The following DSCAM variants were observed in gnomAD, a reference collection of about 807,000 sequenced individuals.
The protein encoded by DSCAM is DS cell adhesion molecule.
DSCAM carries 47 observed loss-of-function variants against 217.7 expected under a neutral mutation model. That is an observed-to-expected ratio of 0.22 (90% CI 0.17 to 0.28). The LOEUF is 0.28. Ranked by LOEUF, DSCAM falls within the 10% of genes least tolerant of loss-of-function variation. DSCAM has a pLI of 1.00. For missense variants in DSCAM, 2,080 were observed against 2,618.3 expected (o/e 0.79, Z 4.49); for synonymous variants, 1,056 against 1,015.3 (o/e 1.04, Z -0.76).
At chr21:40,506,547 C>T (rs759299969) in intron 3 of DSCAM, among the ~76,000 whole-genome samples, 1 of 152,174 alleles carries the variant, frequency 6.6e-6, no homozygotes, top group Non-Finnish European at 1.5e-5. Flanking sequence ...TAACCAGTGA[C>T]CCCAGATTCA....
At chr21:40,538,000 G>A (rs924782391) in intron 3 of DSCAM, among the ~76,000 whole-genome samples, 3 of 152,126 alleles carry the variant, frequency 2.0e-5, no homozygotes, top group Admixed American at 6.5e-5. Flanking sequence ...CAGAGAGAGC[G>A]CTCAATAAAT....
chr21:40,617,748 T>A (rs2089423424), intron 3 of DSCAM, among the ~76,000 whole-genome samples: 1 of 152,212 alleles, frequency 6.6e-6, no homozygotes, highest in Admixed American at 6.5e-5. Context: ...GGGGTCAAAC[T>A]TGTGCTCAGT....
chr21:40,471,217 A>T (rs1028170404), intron 3 of DSCAM, among the ~76,000 whole-genome samples: 12 of 152,210 alleles, frequency 7.9e-5, no homozygotes, highest in African/African-American at 2.9e-4. Flanking sequence ...AGTTCTGACC[A>T]ATCCTGCAGA....
intron 3 of DSCAM, among the ~76,000 whole-genome samples, chr21:40,387,814 AT>A (rs1255547981): frequency 6.6e-6 from 1 of 152,256 alleles, no homozygotes; most frequent in Non-Finnish European, 1.5e-5. Flanking sequence ...GAATAAGAGT[AT>A]ATCATAAAAG....
At chr21:40,134,484 C>A (rs2090187060) in intron 18 of DSCAM, among the ~76,000 whole-genome samples, 2 of 152,208 alleles carry the variant, frequency 1.3e-5, no homozygotes, top group Non-Finnish European at 2.9e-5. Context: ...CTTTAACATA[C>A]ATGTATTTTT....
At chr21:40,666,322 C>G (rs1452890713) in intron 3 of DSCAM, among the ~76,000 whole-genome samples, 1 of 152,140 alleles carries the variant, frequency 6.6e-6, no homozygotes, top group Non-Finnish European at 1.5e-5. Flanking sequence ...CTTAAAACAA[C>G]CCTATGAGCA....
chr21:40,479,100 G>A (rs1442790120), intron 3 of DSCAM, among the ~76,000 whole-genome samples: 1 of 152,196 alleles, frequency 6.6e-6, no homozygotes, highest in Non-Finnish European at 1.5e-5. Flanking sequence ...GCCAGGTGCT[G>A]TGCTAAGTGC....
intron 3 of DSCAM, among the ~76,000 whole-genome samples, chr21:40,652,120 A>G (rs549012592): frequency 8.2e-5 from 12 of 147,030 alleles, no homozygotes; most frequent in African/African-American, 3.0e-4. Flanking sequence ...ACATGGACAC[A>G]TGGAGGGGAA....
intron 3 of DSCAM, among the ~76,000 whole-genome samples, chr21:40,492,934 A>C (rs1260972213): frequency 3.3e-5 from 5 of 152,154 alleles, no homozygotes; most frequent in Non-Finnish European, 7.3e-5. Context: ...GACATGCTAT[A>C]ATCAAACTAT....
At chr21:40,493,641 C>A (rs1053084014) in intron 3 of DSCAM, among the ~76,000 whole-genome samples, 1 of 151,840 alleles carries the variant, frequency 6.6e-6, no homozygotes, top group African/African-American at 2.4e-5. Context: ...GCAGGTGGAT[C>A]CCCTGAGGTC....
At chr21:40,271,874 C>T (rs928209575) in intron 11 of DSCAM, among the ~76,000 whole-genome samples, 1 of 152,182 alleles carries the variant, frequency 6.6e-6, no homozygotes, top group African/African-American at 2.4e-5. Flanking sequence ...ACATTCCCCA[C>T]AGTTTTCCTC....
At chr21:40,632,835 C>T (rs1359598941) in intron 3 of DSCAM, among the ~76,000 whole-genome samples, 1 of 152,196 alleles carries the variant, frequency 6.6e-6, no homozygotes, top group African/African-American at 2.4e-5. Context: ...ATGGACGTGA[C>T]CATGTGCGAA....
intron 11 of DSCAM, among the ~76,000 whole-genome samples, chr21:40,196,726 C>T (rs2091013779): frequency 6.6e-6 from 1 of 151,072 alleles, no homozygotes. Context: ...TTTCTGTTTT[C>T]TCCTTCACAG....
At chr21:40,513,539 G>C in intron 3 of DSCAM, among the ~76,000 whole-genome samples, 1 of 152,056 alleles carries the variant, frequency 6.6e-6, no homozygotes, top group East Asian at 1.9e-4. Context: ...GGAGCAGGTG[G>C]GTCACCCAAC....
intron 11 of DSCAM, among the ~76,000 whole-genome samples, chr21:40,255,319 A>G (rs1156230793): frequency 6.6e-6 from 1 of 152,156 alleles, no homozygotes; most frequent in Non-Finnish European, 1.5e-5. Context: ...GTTTGAGATA[A>G]TGTTACAAAT....
chr21:40,314,055 C>T (rs1033084766), intron 8 of DSCAM, among the ~76,000 whole-genome samples: 4 of 152,116 alleles, frequency 2.6e-5, no homozygotes, highest in African/African-American at 4.8e-5. Flanking sequence ...TTATTGAGCA[C>T]CTGGGATGTG....
At chr21:40,579,349 T>C (rs1441347095) in intron 3 of DSCAM, among the ~76,000 whole-genome samples, 1 of 151,628 alleles carries the variant, frequency 6.6e-6, no homozygotes, top group Non-Finnish European at 1.5e-5. Context: ...GCTGATTTGA[T>C]GAAATCACCC....
chr21:40,311,002 T>C (rs2074131586), intron 9 of DSCAM, among the ~76,000 whole-genome samples: 1 of 152,176 alleles, frequency 6.6e-6, no homozygotes, highest in African/African-American at 2.4e-5. Flanking sequence ...TCTGTGTCAC[T>C]TCCTTTTGCT....
rs2092152988 is a variant in DSCAM, at chr21:40,847,082, GGCTCATCTTT to G, written c.-431_-422del. On this transcript the variant is annotated 5_prime_UTR_variant, in exon 1 of 33. It removes an upstream start codon present in the reference 5' UTR. Transcript: ENST00000400454. ...CATCCAGGCAGCAGGCGGGCGGGCAGGCTCATCTTTGCCGTGCTCCGGCCTCAGTCACATG... is the reference window on the plus strand; with the variant it reads ...CATCCAGGCAGCAGGCGGGCGGGCAGGCCGTGCTCCGGCCTCAGTCACATG... 6.6e-6 allele frequency: 1 copy of G among 152,376 alleles called. No individual in the cohort carries two copies. Among genetic ancestry groups the G allele is most frequent in the African/African-American group, 2.4e-5 (1 of 41,474 alleles). The allele number at this position is 152,376 out of a possible 1,614,324, so 9.4% of individuals were successfully genotyped here.
Sources: gnomAD v4.1 joint callset for allele counts (sites outside exome capture counted in the v4.1 genomes callset) on GRCh38, gnomAD v4.1.1 for gene constraint, MANE v1.5 for transcripts, NCBI Gene and HGNC (gene_info 2026-07-23, HGNC 2026-07-21) for gene names.